The following CECR2 variants were observed in gnomAD, a reference collection of about 807,000 sequenced individuals.
The protein encoded by CECR2 is chromatin remodeling regulator CECR2.
CECR2 carries 30 observed loss-of-function variants against 154.5 expected under a neutral mutation model. The ratio of observed to expected loss-of-function variants is 0.19; its 90% CI spans 0.15 to 0.26. CECR2 has a LOEUF of 0.26. Among genes scored for constraint, CECR2 ranks in the 10% least tolerant of loss-of-function variants. The pLI is 1.00. For missense variants in CECR2, 1,743 were observed against 1,829.3 expected (o/e 0.95, Z 0.86); for synonymous variants, 725 against 683.7 (o/e 1.06, Z -0.94).
chr22:17,532,314 A>G (rs1222134422), intron 9 of CECR2, among the ~76,000 whole-genome samples: 1 of 152,234 alleles, frequency 6.6e-6, no homozygotes, highest in Non-Finnish European at 1.5e-5. Flanking sequence ...TCCAAAATCT[A>G]GTTATTGACA....
chr22:17,490,427 T>C (rs2055506675), intron 2 of CECR2, among the ~76,000 whole-genome samples: 1 of 151,934 alleles, frequency 6.6e-6, no homozygotes, highest in Non-Finnish European at 1.5e-5. Context: ...CCTTTTAATC[T>C]TTGTATTTTT....
Position 17,519,285 on chromosome 22 carries a change from GTTTTGTGTTTTTTT to G in CECR2, c.955-4828_955-4815del, listed in dbSNP as rs1303127343. ...AAGCATCTGGAAAGTTCCCTCAGGTGTTTTGTGTTTTTTTTTTTTTTTTTGAGACGGAGTCTCAT... is the reference window on the plus strand; with the variant it reads ...AAGCATCTGGAAAGTTCCCTCAGGTGTTTTTTTTTTGAGACGGAGTCTCAT... On this transcript the variant is annotated intron_variant, in intron 8 of 18. Coordinates refer to ENST00000262608, the MANE Select transcript of CECR2 (RefSeq NM_001290047.2). 8.9e-3 allele frequency among the ~76,000 whole-genome samples: 1,171 copies of G among 131,054 alleles called. 19 individuals are homozygous for G. Among genetic ancestry groups the G allele is most frequent in the African/African-American group, 0.032 (1,127 of 35,670 alleles). 86.0% of individuals were successfully genotyped at this position (131,054 alleles called of 152,430 possible). A position where few individuals can be genotyped will look rare whatever the true frequency, so the allele number is the denominator to read the frequency against.
At chr22:17,473,628 A>G (rs1351724771) in intron 1 of CECR2, among the ~76,000 whole-genome samples, 1 of 152,232 alleles carries the variant, frequency 6.6e-6, no homozygotes, top group Non-Finnish European at 1.5e-5. Flanking sequence ...TAATTGTAAG[A>G]TAAATGTTTT....
intron 1 of CECR2, among the ~76,000 whole-genome samples, chr22:17,391,077 A>G (rs990871814): frequency 3.3e-5 from 5 of 152,200 alleles, no homozygotes; most frequent in African/African-American, 1.2e-4. Context: ...GTGTCATGAG[A>G]GTCTACCCCT....
intron 7 of CECR2, among the ~76,000 whole-genome samples, chr22:17,506,848 G>A (rs954125426): frequency 6.6e-6 from 1 of 152,086 alleles, no homozygotes; most frequent in African/African-American, 2.4e-5. Context: ...TAGAGATGGG[G>A]TTTCGCTGTG....
At chr22:17,385,891 G>GA (rs1238220165) in intron 1 of CECR2, among the ~76,000 whole-genome samples, 1 of 152,256 alleles carries the variant, frequency 6.6e-6, no homozygotes, top group Non-Finnish European at 1.5e-5. Flanking sequence ...TGCTATTGAA[G>GA]AAAGAGTAGG....
chr22:17,364,069 C>T (rs553831600), intron 1 of CECR2, among the ~76,000 whole-genome samples: 51 of 151,956 alleles, frequency 3.4e-4, no homozygotes, highest in Middle Eastern at 3.4e-3. Flanking sequence ...TACTCCCGGG[C>T]GCGGTGGCTC....
At chr22:17,434,673 T>G (rs1456262989) in intron 1 of CECR2, among the ~76,000 whole-genome samples, 1 of 145,988 alleles carries the variant, frequency 6.8e-6, no homozygotes, top group Non-Finnish European at 1.5e-5. Flanking sequence ...GTAGCTAAGC[T>G]GTCACTCCTG....
chr22:17,456,937 GT>G (rs1467516500), intron 1 of CECR2, among the ~76,000 whole-genome samples: 6 of 152,230 alleles, frequency 3.9e-5, no homozygotes, highest in African/African-American at 7.2e-5. Context: ...TAAGGGTAGA[GT>G]TTCATGTAGT....
rs760717954 is a variant in CECR2 at position 17,548,380 on chromosome 22, C to T, written c.3093C>T (p.Tyr1031=). Residue 1031 remains tyrosine, a synonymous_variant, in exon 17 of 19, where the codon TAC becomes TAT. Coordinates refer to ENST00000262608, the MANE Select transcript of CECR2 (RefSeq NM_001290047.2). The part of the protein sequence containing the change: ...GKNPWPSDSS[Y]PGPAAQGCVR... ...ATCCCTGGCCCTCGGATAGCAGCTA[C>T]CCCGGCCCAGCCGCCCAAGGGTGCG... 4 of 1,613,468 alleles carry T rather than the reference C, an allele frequency of 2.5e-6. No individual in the cohort carries two copies. The highest frequency in any genetic ancestry group is 2.2e-5 in the East Asian group (1 of 44,860).
At chr22:17,518,530 G>C in intron 8 of CECR2, 1 of 281,692 alleles carries the variant, frequency 3.5e-6, no homozygotes, top group Non-Finnish European at 7.1e-6. Context: ...TCATGCCTTT[G>C]TCAATATGGA....
intron 2 of CECR2, among the ~76,000 whole-genome samples, chr22:17,494,895 A>C (rs2055595417): frequency 6.6e-6 from 1 of 151,938 alleles, no homozygotes; most frequent in African/African-American, 2.4e-5. Flanking sequence ...GGATTTCACC[A>C]TATTGGCCAG....
chr22:17,532,718 T>TTTTTTTTTTTTTTTTC, intron 9 of CECR2, among the ~76,000 whole-genome samples: 1 of 115,066 alleles, frequency 8.7e-6, no homozygotes. Flanking sequence ...TTTTTTTTTT[T>TTTTTTTTTTTTTTTTC]TTTTTTTTTT....
In CECR2 at chr22:17,548,280, G is replaced by A. The variant is rs1434596142; in HGVS notation, c.2993G>A (p.Arg998Lys). The A allele has an allele frequency of 3.7e-6, 6 of 1,607,570 alleles. No individual in the cohort carries two copies. Among genetic ancestry groups the A allele is most frequent in the Non-Finnish European group, 5.1e-6 (6 of 1,176,936 alleles). Reference sequence around the variant, plus strand: ...ACCAGGCAGAGCTCACCACAAGAAAGGGAAACAGTGGGCCCGGAGCTCAAA... The same window carrying A: ...ACCAGGCAGAGCTCACCACAAGAAAAGGAAACAGTGGGCCCGGAGCTCAAA... ...DCTRQSSPQE[R>K]ETVGPELKSS... The change falls in exon 17 of 19, where the codon AGG (arginine) becomes AAG (lysine). Residue 998 changes from arginine to lysine, a missense_variant. Arg to Lys is a conservative substitution (Grantham distance 26, BLOSUM62 2). Transcript: ENST00000262608.
chr22:17,485,139 C>T (rs759135305), intron 2 of CECR2, among the ~76,000 whole-genome samples: 2 of 152,184 alleles, frequency 1.3e-5, no homozygotes, highest in Non-Finnish European at 2.9e-5. Context: ...TTCTCAAGAA[C>T]ACTCATTTAA....
At chr22:17,452,694 A>T (rs1191393455) in intron 1 of CECR2, among the ~76,000 whole-genome samples, 3 of 152,070 alleles carry the variant, frequency 2.0e-5, no homozygotes, top group Non-Finnish European at 2.9e-5. Flanking sequence ...GGAAATAGTA[A>T]ATTTTATATT....
chr22:17,494,086 T>C (rs2055577663), intron 2 of CECR2, among the ~76,000 whole-genome samples: 1 of 151,486 alleles, frequency 6.6e-6, no homozygotes, highest in Non-Finnish European at 1.5e-5. Context: ...AAAACACTTT[T>C]TCATTTTCTT....
intron 9 of CECR2, among the ~76,000 whole-genome samples, chr22:17,529,566 G>A (rs1244973217): frequency 4.6e-5 from 7 of 151,664 alleles, no homozygotes; most frequent in African/African-American, 1.7e-4. Flanking sequence ...CAGGCGTGGT[G>A]GCACATGCCT....
chr22:17,534,483 C>T (rs1273386723), intron 9 of CECR2, among the ~76,000 whole-genome samples: 4 of 151,930 alleles, frequency 2.6e-5, no homozygotes, highest in African/African-American at 9.7e-5. Flanking sequence ...AGAGAGAGAA[C>T]TGACATATTT....
Sources: allele counts gnomAD v4.1 joint callset (sites outside exome capture counted in the v4.1 genomes callset), GRCh38; gene constraint gnomAD v4.1.1; transcripts MANE v1.5; gene names NCBI Gene and HGNC (gene_info 2026-07-23, HGNC 2026-07-21).